Variants in DUT observed in about 807,000 individuals in gnomAD.
The protein encoded by DUT is deoxyuridine triphosphatase, also known as deoxyuridine 5'-triphosphate nucleotidohydrolase, mitochondrial.
Under a neutral mutation model 28.8 loss-of-function variants are expected in DUT, and 21 were observed. The ratio of observed to expected loss-of-function variants is 0.73; its 90% CI spans 0.52 to 1.05. The LOEUF (loss-of-function observed/expected upper bound fraction) is 1.05. Ranked by LOEUF, DUT falls within the 50% of genes least tolerant of loss-of-function variation. The probability of loss-of-function intolerance (pLI) is 0.00; values close to 1 mark genes in which losing one functional copy is unlikely to be tolerated. For missense variants in DUT, 344 were observed against 351.8 expected (o/e 0.98, Z 0.18); for synonymous variants, 147 against 143.7 (o/e 1.02, Z -0.17).
intron 6 of DUT, 32 bp from the exon 7 acceptor site, chr15:48,341,990 A>G (rs1226661450): frequency 6.5e-7 from 1 of 1,544,540 alleles, no homozygotes; most frequent in Non-Finnish European, 8.7e-7. Context: ...CTTAAAAAAA[A>G]CTGTGAAGCT....
upstream of DUT, chr15:48,331,309 T>G (rs1566870648): frequency 6.9e-7 from 1 of 1,442,234 alleles, no homozygotes; most frequent in Non-Finnish European, 9.1e-7. Context: ...GCAGCAAGAC[T>G]CAAGACGCCA....
At chr15:48,341,389 A>C (rs2042532033) in intron 5 of DUT, 26 bp downstream of exon 5, 1 of 1,576,472 alleles carries the variant, frequency 6.3e-7, no homozygotes, top group Non-Finnish European at 8.7e-7. Context: ...ACATTCACAT[A>C]ATTTTAGTGA....
intron 4 of DUT, among the ~76,000 whole-genome samples, chr15:48,339,495 G>A (rs1483139969): frequency 6.6e-6 from 1 of 152,058 alleles, no homozygotes; most frequent in African/African-American, 2.4e-5. Flanking sequence ...ATGCTATGTT[G>A]AGGGATTTCT....
chr15:48,334,074 T>G (rs1333476205), intron 2 of DUT, among the ~76,000 whole-genome samples: 2 of 152,250 alleles, frequency 1.3e-5, no homozygotes, highest in Non-Finnish European at 2.9e-5. Flanking sequence ...TTTGAAAGTT[T>G]GCCTTTCTGC....
In DUT at chr15:48,342,255, A is replaced by C. The variant is rs1156561738; in HGVS notation, c.*177A>C. The C allele has an allele frequency of 5.2e-6, 2 of 388,000 alleles. No homozygotes were observed. Among genetic ancestry groups the C allele is most frequent in the African/African-American group, 2.1e-5 (1 of 47,716 alleles). 24.0% of individuals were successfully genotyped at this position (388,000 alleles called of 1,614,324 possible). On this transcript the variant is annotated 3_prime_UTR_variant, in exon 7 of 7. Transcript: ENST00000331200. ...TCAAGGAAAAGATCATTAAAAAAAA[A>C]CACAAAGAAGTTTTTCTTTGTGTTT...
At chr15:48,332,125 C>T in intron 1 of DUT, 143 bp from the exon 2 acceptor site, 1 of 1,376,418 alleles carries the variant, frequency 7.3e-7, no homozygotes, top group Non-Finnish European at 9.4e-7. Flanking sequence ...GGACTCGTCC[C>T]GGGGAGGGGC....
chr15:48,331,542 G>C lies in DUT; in HGVS notation c.27G>C (p.Ala9=). MTPLCPRP[A]LCYHFLTSLL... ...TGACTCCCCTCTGCCCTCGCCCCGC[G>C]CTCTGCTACCATTTCCTTACGTCTC... Residue 9 remains alanine (A), a synonymous_variant, in exon 1 of 7, where the codon GCG becomes GCC. Coordinates refer to ENST00000331200, the MANE Select transcript of DUT (RefSeq NM_001025248.2). 1 of 1,611,436 alleles carries C rather than the reference G, an allele frequency of 6.2e-7. No individual in the cohort carries two copies. Among genetic ancestry groups the C allele is most frequent in the Non-Finnish European group, 8.5e-7 (1 of 1,179,376 alleles).
chr15:48,334,148 T>C (rs748423818), intron 2 of DUT, among the ~76,000 whole-genome samples: 7 of 152,198 alleles, frequency 4.6e-5, no homozygotes, highest in Non-Finnish European at 8.8e-5. Flanking sequence ...ACATTTACAA[T>C]GTTGACATCT....
chr15:48,336,213 T>C, intron 4 of DUT, 123 bp downstream of exon 4: 1 of 743,390 alleles, frequency 1.3e-6, no homozygotes, highest in East Asian at 3.3e-5. Context: ...AAGCTTGTTA[T>C]AATAGGAGGA....
intron 2 of DUT, 54 bp downstream of exon 2, chr15:48,332,460 A>T: frequency 7.2e-7 from 1 of 1,392,168 alleles, no homozygotes; most frequent in Non-Finnish European, 9.6e-7. Flanking sequence ...GTCCGCTGCC[A>T]CAGCTAGAAA....
At chr15:48,335,658 C>A (rs953419378) in intron 3 of DUT, among the ~76,000 whole-genome samples, 2 of 152,150 alleles carry the variant, frequency 1.3e-5, no homozygotes, top group African/African-American at 4.8e-5. Context: ...GTAGTGTGTT[C>A]CTGCTGGCCA....
At chr15:48,335,563 C>G (rs998205166) in intron 3 of DUT, among the ~76,000 whole-genome samples, 1 of 152,050 alleles carries the variant, frequency 6.6e-6, no homozygotes, top group Admixed American at 6.6e-5. Context: ...AGGTTTGTTT[C>G]CCTCTCCCTT....
chr15:48,342,207 G>A lies in DUT; in HGVS notation c.*129G>A, dbSNP rs1337648042. Reference sequence around the variant, plus strand: ...ACTAGCTTTACCTTCTAAAAGTACTGCATTTTTTACTTTTTTTTATGATCA... The same window carrying A: ...ACTAGCTTTACCTTCTAAAAGTACTACATTTTTTACTTTTTTTTATGATCA... On this transcript the variant is annotated 3_prime_UTR_variant, in exon 7 of 7. Coordinates refer to ENST00000331200, the MANE Select transcript of DUT (RefSeq NM_001025248.2). The A allele has an allele frequency of 1.1e-5, 5 of 474,240 alleles. No individual in the cohort carries two copies. The highest frequency in any genetic ancestry group is 6.2e-5 in the African/African-American group (3 of 48,612). 29.4% of individuals were successfully genotyped at this position (474,240 alleles called of 1,614,324 possible).
chr15:48,340,126 A>G (rs1439710345), intron 4 of DUT: 1 of 152,054 alleles, frequency 6.6e-6, no homozygotes, highest in Admixed American at 6.6e-5. Flanking sequence ...TTTTATTTCC[A>G]TATTTTTTCC....
At chr15:48,341,025 A>G (rs1279328867) in intron 4 of DUT, 8 of 309,020 alleles carry the variant, frequency 2.6e-5, no homozygotes, top group African/African-American at 1.5e-4. Context: ...GGCCATTGCT[A>G]CTGCCAGCTT....
upstream of DUT, chr15:48,331,426 C>A: frequency 1.3e-6 from 2 of 1,559,648 alleles, no homozygotes; most frequent in South Asian, 2.4e-5. Flanking sequence ...CTTCCGAGGT[C>A]ATGTTCCCAG....
chr15:48,331,658 C>CCGCGCAG lies in DUT; in HGVS notation c.145_151dup (p.His51ArgfsTer36). 6.5e-7 allele frequency: 1 copy of CCGCGCAG among 1,537,118 alleles called. No individual in the cohort carries two copies. The highest frequency in any genetic ancestry group is 8.8e-7 in the Non-Finnish European group (1 of 1,141,572). ...GGGCCAGGCCCGCCCCTCGGCCGCG[C>CCGCGCAG]CGCGCAGCACGGGATTCCCCGGCCG... On this transcript the variant is annotated frameshift_variant, in exon 1 of 7. Transcript: ENST00000331200. LOFTEE classifies it high-confidence loss of function.
At position 48,342,062 on chromosome 15, in the gene DUT, C is replaced by A; in HGVS notation, c.743C>A (p.Ser248Tyr). 6.4e-7 allele frequency: 1 copy of A among 1,570,552 alleles called. No individual in the cohort carries two copies. Among genetic ancestry groups the A allele is most frequent in the Non-Finnish European group, 8.6e-7 (1 of 1,162,454 alleles). The change falls in exon 7 of 7, where the codon TCC becomes TAC. Residue 248 changes from serine (S) to tyrosine (Y), a missense_variant. Transcript: ENST00000331200. ...DTERGSGGFG[S>Y]TGKN Reference sequence around the variant, plus strand: ...GAAAGGGGTTCAGGAGGTTTTGGTTCCACTGGAAAGAATTAAAATTTATGC... The same window carrying A: ...GAAAGGGGTTCAGGAGGTTTTGGTTACACTGGAAAGAATTAAAATTTATGC...
At position 48,336,030 on chromosome 15, in the gene DUT, C is replaced by A. The variant is rs766035223; in HGVS notation, c.512-16C>A. On this transcript the variant is annotated splice_polypyrimidine_tract_variant and intron_variant, in intron 3 of 6. Transcript: ENST00000331200. The stretch of plus-strand genomic sequence containing the variant: ...TCCCCCTTAAAATAACCAATGTCTC[C>A]TTTTTTGTTTTTTAGCTCCACGGTC... 56 of 1,602,678 alleles carry A rather than the reference C, an allele frequency of 3.5e-5. 1 individual carries two copies. In the South Asian group the frequency reaches 6.0e-4, roughly 17 times the overall value.
Sources: allele counts gnomAD v4.1 joint callset (sites outside exome capture counted in the v4.1 genomes callset), GRCh38; gene constraint gnomAD v4.1.1; transcripts MANE v1.5; gene names NCBI Gene and HGNC (gene_info 2026-07-23, HGNC 2026-07-21).